Variants in CARMIL1 observed in about 807,000 individuals in gnomAD.
CARMIL1 encodes the protein F-actin-uncapping protein LRRC16A.
Under a neutral mutation model 177.1 loss-of-function variants are expected in CARMIL1, and 90 were observed. The ratio of observed to expected loss-of-function variants is 0.51; its 90% confidence interval spans 0.43 to 0.61. The LOEUF is 0.61. CARMIL1 is among the 20% of genes least tolerant of loss of function. CARMIL1 has a pLI of 0.00. For missense variants in CARMIL1, 1,380 were observed against 1,667.0 expected (o/e 0.83, Z 3.00); for synonymous variants, 577 against 606.2 (o/e 0.95, Z 0.71).
chr6:25,396,363 CT>C (rs548277789), intron 2 of CARMIL1, among the ~76,000 whole-genome samples: 90 of 140,708 alleles, frequency 6.4e-4, no homozygotes, highest in East Asian at 1.4e-3. Flanking sequence ...TTTTTTTTTC[CT>C]TTTTTTTTTT....
At chr6:25,595,130 G>A (rs1393352555) in intron 32 of CARMIL1, among the ~76,000 whole-genome samples, 1 of 152,188 alleles carries the variant, frequency 6.6e-6, no homozygotes, top group Non-Finnish European at 1.5e-5. Flanking sequence ...AGATAGTTCA[G>A]TGGTACTTTT....
At position 25,509,842 on chromosome 6, in the gene CARMIL1, A is replaced by G; in HGVS notation, c.1477+105A>G. 1.3e-6 allele frequency: 1 copy of G among 790,144 alleles called. No individual in the cohort carries two copies. The allele number at this position is 790,144 out of a possible 1,614,324, so 48.9% of individuals were successfully genotyped here. On this transcript the variant is annotated intron_variant, in intron 18 of 36. Coordinates refer to ENST00000329474, the MANE Select transcript of CARMIL1 (RefSeq NM_017640.6). This position sits in a 1 kb window ranked among gnomAD's most constrained non-coding sequence, Gnocchi z 4.1. ...AATCCAAACAATAGCTTAATAAAAA[A>G]ATTGTTTTTTATTTTTTGACTAATA...
chr6:25,450,773 T>G, intron 8 of CARMIL1, 62 bp downstream of exon 8: 1 of 325,164 alleles, frequency 3.1e-6, no homozygotes, highest in Non-Finnish European at 5.5e-6. Context: ...CCTTCCTCCC[T>G]CCCCTCCCTC....
At chr6:25,433,470 CAT>C (rs890065233) in intron 4 of CARMIL1, among the ~76,000 whole-genome samples, 2 of 152,156 alleles carry the variant, frequency 1.3e-5, no homozygotes, top group Non-Finnish European at 2.9e-5. Context: ...CAGATATGTG[CAT>C]ATGAAAAATA....
intron 2 of CARMIL1, among the ~76,000 whole-genome samples, chr6:25,414,504 A>G (rs1795200438): frequency 6.6e-6 from 1 of 152,144 alleles, no homozygotes; most frequent in African/African-American, 2.4e-5. Flanking sequence ...ATGTGTGTGT[A>G]CTATAAATCC....
chr6:25,309,479 CTTT>C (rs35901028), intron 2 of CARMIL1, among the ~76,000 whole-genome samples: 31,174 of 145,234 alleles, frequency 0.21, 4,113 homozygotes, highest in East Asian at 0.4. Flanking sequence ...AATTTTGAGC[CTTT>C]TTTTTTTTTT....
At chr6:25,316,451 A>G (rs893860564) in intron 2 of CARMIL1, among the ~76,000 whole-genome samples, 5 of 145,324 alleles carry the variant, frequency 3.4e-5, no homozygotes, top group Non-Finnish European at 7.5e-5. Context: ...ACGGAGTCCC[A>G]CTCTGTCGCC....
At chr6:25,407,816 A>C (rs1794518486) in intron 2 of CARMIL1, among the ~76,000 whole-genome samples, 1 of 152,194 alleles carries the variant, frequency 6.6e-6, no homozygotes, top group Non-Finnish European at 1.5e-5. Flanking sequence ...GGGGGCAATA[A>C]ACAGGGTAGT....
intron 2 of CARMIL1, among the ~76,000 whole-genome samples, chr6:25,372,024 A>T (rs568895652): frequency 2.0e-5 from 3 of 152,146 alleles, no homozygotes; most frequent in South Asian, 2.1e-4. Context: ...TCTCCAATTT[A>T]TGTTTTTGTA....
rs751939061 is a variant in CARMIL1 at position 25,510,774 on chromosome 6, G to T, written c.1632+12G>T. The T allele has an allele frequency of 1.4e-6, 2 of 1,460,394 alleles. No individual in the cohort carries two copies. Among genetic ancestry groups the T allele is most frequent in the South Asian group, 1.2e-5 (1 of 80,204 alleles). The allele number at this position is 1,460,394 out of a possible 1,614,324, so 90.5% of individuals were successfully genotyped here. On this transcript the variant is annotated intron_variant, in intron 20 of 36. Coordinates refer to ENST00000329474, the MANE Select transcript of CARMIL1 (RefSeq NM_017640.6). ...AAGATGAAGAATCAGTGAGTATTAT[G>T]TTAAACTTTTTACTAAAATCTTCTG...
chr6:25,484,219 T>C (rs1357517641), intron 12 of CARMIL1, among the ~76,000 whole-genome samples: 1 of 152,264 alleles, frequency 6.6e-6, no homozygotes, highest in Admixed American at 6.5e-5. Flanking sequence ...TGTACATTTC[T>C]GGACAATAAG....
At chr6:25,386,801 A>G (rs1792205749) in intron 2 of CARMIL1, among the ~76,000 whole-genome samples, 1 of 152,072 alleles carries the variant, frequency 6.6e-6, no homozygotes, top group Non-Finnish European at 1.5e-5. Context: ...GTAACAAGCA[A>G]TAGGTGAAAA....
At chr6:25,615,864 T>C (rs1249199160) in intron 36 of CARMIL1, among the ~76,000 whole-genome samples, 1 of 152,270 alleles carries the variant, frequency 6.6e-6, no homozygotes, top group Non-Finnish European at 1.5e-5. Context: ...AATTTTCATA[T>C]GGTTCTCTAA....
At chr6:25,384,347 A>G (rs938585765) in intron 2 of CARMIL1, among the ~76,000 whole-genome samples, 3 of 152,254 alleles carry the variant, frequency 2.0e-5, no homozygotes, top group Non-Finnish European at 4.4e-5. Context: ...GTGGCCACCA[A>G]TAGCCAGCAC....
chr6:25,323,420 C>CAAAA (rs11288797), intron 2 of CARMIL1, among the ~76,000 whole-genome samples: 3 of 82,366 alleles, frequency 3.6e-5, no homozygotes, highest in African/African-American at 9.4e-5. Context: ...CCTGTCTCTA[C>CAAAA]AAAAAAAAAA....
intron 23 of CARMIL1, among the ~76,000 whole-genome samples, chr6:25,521,757 G>A (rs551779455): frequency 1.2e-3 from 169 of 138,520 alleles, no homozygotes; most frequent in African/African-American, 4.5e-3. Context: ...CCGACAGAGC[G>A]AGATTCCATC....
intron 23 of CARMIL1, among the ~76,000 whole-genome samples, 160 bp from the exon 24 acceptor site, chr6:25,528,634 GC>G (rs1185051609): frequency 1.3e-5 from 2 of 152,208 alleles, no homozygotes; most frequent in Admixed American, 1.3e-4. Context: ...CACAATGAAA[GC>G]CAGTTTCTCC....
chr6:25,544,966 TAAAC>T (rs963608627), intron 26 of CARMIL1, among the ~76,000 whole-genome samples: 23 of 152,166 alleles, frequency 1.5e-4, no homozygotes, highest in African/African-American at 4.3e-4. Flanking sequence ...AAATTACAAT[TAAAC>T]AAAATTCAAA....
intron 2 of CARMIL1, among the ~76,000 whole-genome samples, chr6:25,391,480 C>T (rs1289522170): frequency 6.6e-6 from 1 of 152,240 alleles, no homozygotes; most frequent in East Asian, 1.9e-4. Flanking sequence ...TTCCTTCTGT[C>T]ACAGTTGTCT....
Sources: gnomAD v4.1 joint callset for allele counts (sites outside exome capture counted in the v4.1 genomes callset) on GRCh38, gnomAD v4.1.1 for gene constraint, Gnocchi (gnomAD v3.1) non-coding constraint, MANE v1.5 for transcripts, NCBI Gene and HGNC (gene_info 2026-07-23, HGNC 2026-07-21) for gene names.